The following CTTNBP2NL variants were observed in gnomAD, a reference collection of about 807,000 sequenced individuals.
The protein encoded by CTTNBP2NL is CTTNBP2 N-terminal like.
In CTTNBP2NL, 16 loss-of-function variants were observed where a neutral mutation model predicts 32.5. That is an observed-to-expected ratio of 0.49 (90% CI 0.33 to 0.75). The LOEUF (loss-of-function observed/expected upper bound fraction) is 0.75. Ranked by LOEUF, CTTNBP2NL falls within the 30% of genes least tolerant of loss-of-function variation. CTTNBP2NL has a pLI of 0.02. For missense variants in CTTNBP2NL, 645 were observed against 756.0 expected (o/e 0.85, Z 1.72); for synonymous variants, 298 against 289.4 (o/e 1.03, Z -0.30).
intron 3 of CTTNBP2NL, among the ~76,000 whole-genome samples, chr1:112,439,580 T>C (rs1328982788): frequency 6.6e-6 from 1 of 152,184 alleles, no homozygotes; most frequent in Admixed American, 6.5e-5. Flanking sequence ...ATATTAACCT[T>C]GAAGTTTTCG....
chr1:112,453,076 CTGCATT>C, intron 4 of CTTNBP2NL, among the ~76,000 whole-genome samples: 1 of 151,082 alleles, frequency 6.6e-6, no homozygotes, highest in South Asian at 2.1e-4. Flanking sequence ...GATGATGCCA[CTGCATT>C]TCAGCTTGGG....
rs978568524 is a variant in CTTNBP2NL at position 112,396,233 on chromosome 1, T to C, written c.-173T>C. 2 of 151,722 alleles carry C rather than the reference T, an allele frequency of 1.3e-5. No individual in the cohort carries two copies. Among genetic ancestry groups the C allele is most frequent in the Non-Finnish European group, 2.9e-5 (2 of 68,026 alleles). The allele number at this position is 151,722 out of a possible 1,614,324, so 9.4% of individuals were successfully genotyped here. A position where few individuals can be genotyped will look rare whatever the true frequency, so the allele number is the denominator to read the frequency against. On this transcript the variant is annotated 5_prime_UTR_variant, in exon 1 of 6. Coordinates refer to ENST00000271277, the MANE Select transcript of CTTNBP2NL (RefSeq NM_018704.3). ...AGCCTCAGCCGCTGTGGATGGGGAG[T>C]GGAGGCGGAGGGGAGCGGAGCCCGG...
At chr1:112,425,277 C>G (rs988061451) in intron 3 of CTTNBP2NL, among the ~76,000 whole-genome samples, 4 of 152,054 alleles carry the variant, frequency 2.6e-5, no homozygotes, top group African/African-American at 9.7e-5. Context: ...TCAAGACCAG[C>G]CTGGTTAACA....
chr1:112,410,734 A>G (rs568557778), intron 1 of CTTNBP2NL, among the ~76,000 whole-genome samples: 1 of 152,320 alleles, frequency 6.6e-6, no homozygotes, highest in Non-Finnish European at 1.5e-5. Context: ...GGAGTTACTG[A>G]TGATGAAAAT....
chr1:112,395,081 C>A (rs1223266639), upstream of CTTNBP2NL, among the ~76,000 whole-genome samples: 1 of 152,234 alleles, frequency 6.6e-6, no homozygotes, highest in Non-Finnish European at 1.5e-5. Context: ...CAGGCTGCAT[C>A]TGCCTTGGGG....
intron 2 of CTTNBP2NL, among the ~76,000 whole-genome samples, chr1:112,415,182 C>A (rs1489301065): frequency 6.6e-6 from 1 of 151,956 alleles, no homozygotes; most frequent in Admixed American, 6.6e-5. Context: ...CAGAGCAAGA[C>A]CCTGTCTTAA....
chr1:112,401,406 G>A (rs1050200090), intron 1 of CTTNBP2NL, among the ~76,000 whole-genome samples: 3 of 152,160 alleles, frequency 2.0e-5, no homozygotes, highest in African/African-American at 2.4e-5. Context: ...TCAGCTAGCC[G>A]ATGTCTTCTT....
intron 2 of CTTNBP2NL, among the ~76,000 whole-genome samples, chr1:112,412,657 A>G (rs1010978363): frequency 7.3e-6 from 1 of 136,298 alleles, no homozygotes; most frequent in Non-Finnish European, 1.5e-5. Context: ...CACTGTGTCA[A>G]CCAGGCTAGA....
chr1:112,445,903 C>T (rs1650023525), intron 3 of CTTNBP2NL, among the ~76,000 whole-genome samples: 1 of 152,178 alleles, frequency 6.6e-6, no homozygotes, highest in Admixed American at 6.5e-5. Context: ...ATGTCAAGGT[C>T]ATGAATTGTA....
chr1:112,460,967 T>A lies in CTTNBP2NL; in HGVS notation c.*3555T>A, dbSNP rs1044286182. 2.0e-5 allele frequency: 3 copies of A among 152,160 alleles called. No individual in the cohort carries two copies. In the East Asian group the frequency reaches 5.8e-4, roughly 29 times the overall value. The allele number at this position is 152,160 out of a possible 1,614,324, so 9.4% of individuals were successfully genotyped here. ...GATGCTTAGTCCTTGAAATGGAACT[T>A]CAACTGTCTTTCAAAACACTGGCTT... On this transcript the variant is annotated 3_prime_UTR_variant, in exon 6 of 6. Coordinates refer to ENST00000271277, the MANE Select transcript of CTTNBP2NL (RefSeq NM_018704.3).
At chr1:112,452,335 CTTTTTTTT>C (rs1157736195) in intron 4 of CTTNBP2NL, among the ~76,000 whole-genome samples, 3 of 65,688 alleles carry the variant, frequency 4.6e-5, no homozygotes, top group East Asian at 5.9e-4. Context: ...CCAGTCTCTT[CTTTTTTTT>C]TTTTTTTTTT....
At chr1:112,432,096 CAG>C (rs1397503956) in intron 3 of CTTNBP2NL, among the ~76,000 whole-genome samples, 1 of 98,436 alleles carries the variant, frequency 1.0e-5, no homozygotes, top group Non-Finnish European at 1.8e-5. Flanking sequence ...TTTTTTGAGA[CAG>C]AGTCTCACTC....
intron 2 of CTTNBP2NL, 92 bp from the exon 3 acceptor site, chr1:112,416,065 A>G (rs1649051975): frequency 5.5e-6 from 4 of 728,010 alleles, no homozygotes; most frequent in East Asian, 2.6e-5. Context: ...ATTTGATACT[A>G]TAATTGCTCT....
At chr1:112,405,530 T>C (rs1648635887) in intron 1 of CTTNBP2NL, among the ~76,000 whole-genome samples, 1 of 152,162 alleles carries the variant, frequency 6.6e-6, no homozygotes, top group Non-Finnish European at 1.5e-5. Context: ...ACTCTTTATC[T>C]CAGGTGATCT....
intron 1 of CTTNBP2NL, among the ~76,000 whole-genome samples, chr1:112,400,780 G>A (rs1304357621): frequency 6.6e-6 from 1 of 150,794 alleles, no homozygotes; most frequent in Admixed American, 6.6e-5. Context: ...CAACAAGAGC[G>A]AAACTCTGTC....
intron 3 of CTTNBP2NL, among the ~76,000 whole-genome samples, chr1:112,424,967 C>G: frequency 6.6e-6 from 1 of 151,686 alleles, no homozygotes; most frequent in Middle Eastern, 3.2e-3. Flanking sequence ...AGGCACACAC[C>G]ACAACGCCCA....
Position 112,457,524 on chromosome 1 carries a change from GTA to G in CTTNBP2NL, c.*115_*116del, listed in dbSNP as rs1236857930. ...ATTTTGATAGTAGCTGAAACCATCT[GTA>G]TAATACATTTAGTATATTTCACCAT... On this transcript the variant is annotated 3_prime_UTR_variant, in exon 6 of 6. Coordinates refer to ENST00000271277, the MANE Select transcript of CTTNBP2NL (RefSeq NM_018704.3). 1 of 921,952 alleles carries G rather than the reference GTA, an allele frequency of 1.1e-6. No individual in the cohort carries two copies. The highest frequency in any genetic ancestry group is 1.6e-6 in the Non-Finnish European group (1 of 608,504). 57.1% of individuals were successfully genotyped at this position (921,952 alleles called of 1,614,324 possible). A position where few individuals can be genotyped will look rare whatever the true frequency, so the allele number is the denominator to read the frequency against.
chr1:112,442,022 CG>C (rs1484663601), intron 3 of CTTNBP2NL, among the ~76,000 whole-genome samples: 1 of 152,194 alleles, frequency 6.6e-6, no homozygotes, highest in African/African-American at 2.4e-5. Context: ...ATAATGGGGG[CG>C]GCTGTGCCTG....
chr1:112,393,538 A>G (rs1254448345), upstream of CTTNBP2NL, among the ~76,000 whole-genome samples: 7 of 152,206 alleles, frequency 4.6e-5, no homozygotes, highest in African/African-American at 1.7e-4. Flanking sequence ...GCGTACACCT[A>G]TGCACCAGAC....
Sources: allele counts gnomAD v4.1 joint callset (sites outside exome capture counted in the v4.1 genomes callset), GRCh38; gene constraint gnomAD v4.1.1; transcripts MANE v1.5; gene names NCBI Gene and HGNC (gene_info 2026-07-23, HGNC 2026-07-21).